The following EXOC6B variants were observed in gnomAD, a reference collection of about 807,000 sequenced individuals.
The protein encoded by EXOC6B is SEC15 homolog B.
Under a neutral mutation model 113.5 loss-of-function variants are expected in EXOC6B, and 54 were observed. That is an observed-to-expected ratio of 0.48 (90% CI 0.38 to 0.60). EXOC6B has a LOEUF of 0.60. EXOC6B is among the 20% of genes least tolerant of loss of function. The pLI is 0.00. For missense variants in EXOC6B, 797 were observed against 977.5 expected (o/e 0.82, Z 2.46); for synonymous variants, 357 against 339.0 (o/e 1.05, Z -0.58).
chr2:72,688,940 A>C (rs1166871897), intron 6 of EXOC6B, among the ~76,000 whole-genome samples: 1 of 152,216 alleles, frequency 6.6e-6, no homozygotes, highest in Non-Finnish European at 1.5e-5. Context: ...TATTATAGTT[A>C]AATATTAGTC....
intron 18 of EXOC6B, among the ~76,000 whole-genome samples, chr2:72,405,272 C>T (rs976685980): frequency 6.6e-6 from 1 of 152,186 alleles, no homozygotes. Context: ...AGTCAGAAAA[C>T]ACTCTGCAGG....
chr2:72,814,638 T>A (rs2105143176), intron 1 of EXOC6B, among the ~76,000 whole-genome samples: 1 of 152,370 alleles, frequency 6.6e-6, no homozygotes, highest in South Asian at 2.1e-4. Context: ...ATTACATGCT[T>A]AAATTTCTTT....
chr2:72,680,854 C>G (rs1029113082), intron 6 of EXOC6B, among the ~76,000 whole-genome samples: 1 of 152,038 alleles, frequency 6.6e-6, no homozygotes, highest in Non-Finnish European at 1.5e-5. Context: ...TGTCTTAGAT[C>G]AAGTCAATTC....
chr2:72,421,572 G>A (rs1694865988), intron 18 of EXOC6B, among the ~76,000 whole-genome samples: 1 of 152,230 alleles, frequency 6.6e-6, no homozygotes. Flanking sequence ...TGATGACACT[G>A]TGTAGTTTCA....
chr2:72,673,425 G>A (rs1352312152), intron 6 of EXOC6B, among the ~76,000 whole-genome samples: 2 of 152,070 alleles, frequency 1.3e-5, no homozygotes, highest in Non-Finnish European at 2.9e-5. Context: ...CCATTCCTCC[G>A]GTCTTGTTTT....
chr2:72,344,887 G>A (rs866653163), intron 19 of EXOC6B, among the ~76,000 whole-genome samples: 19 of 151,936 alleles, frequency 1.3e-4, no homozygotes, highest in African/African-American at 3.9e-4. Context: ...AGAGGAGCAG[G>A]AGCAAACAAC....
chr2:72,183,804 G>T (rs748645625), intron 21 of EXOC6B, among the ~76,000 whole-genome samples: 2 of 151,870 alleles, frequency 1.3e-5, no homozygotes, highest in African/African-American at 2.4e-5. Flanking sequence ...ACGCTAGTAA[G>T]AGACCCATTA....
chr2:72,751,781 T>G (rs1422192204), intron 1 of EXOC6B, among the ~76,000 whole-genome samples: 1 of 151,964 alleles, frequency 6.6e-6, no homozygotes, highest in East Asian at 1.9e-4. Context: ...TAATGGGAGC[T>G]CCAGTAAGAA....
intron 6 of EXOC6B, among the ~76,000 whole-genome samples, chr2:72,606,820 A>C (rs1012417636): frequency 9.2e-5 from 14 of 151,928 alleles, no homozygotes; most frequent in African/African-American, 3.1e-4. Context: ...CGTGTTGACC[A>C]GGCTGGTCTT....
chr2:72,206,887 TA>T (rs1180747640), intron 20 of EXOC6B, among the ~76,000 whole-genome samples: 2 of 152,208 alleles, frequency 1.3e-5, no homozygotes, highest in East Asian at 3.8e-4. Context: ...AAAAACAACA[TA>T]TGCTTTTTGC....
intron 5 of EXOC6B, among the ~76,000 whole-genome samples, chr2:72,727,004 T>C (rs1680339033): frequency 1.3e-5 from 2 of 152,190 alleles, no homozygotes; most frequent in Non-Finnish European, 2.9e-5. Context: ...GTATAGGTTG[T>C]ACGCAAATAC....
chr2:72,505,382 G>T lies in EXOC6B; in HGVS notation c.1168-5410C>A, dbSNP rs566048650. Among the ~76,000 whole-genome samples the T allele has an allele frequency of 3.9e-4, 60 of 152,088 alleles. 1 individual carries two copies. Among genetic ancestry groups the T allele is most frequent in the Admixed American group, 3.9e-3 (59 of 15,284 alleles). ...TATGCCACCTAATATATATCCCAAG[G>T]ATCCATATATGTGTGAGACTGTTTG... is the stretch of plus-strand genomic sequence containing the variant. On this transcript the variant is annotated intron_variant, in intron 11 of 21. Transcript: ENST00000272427.
intron 17 of EXOC6B, among the ~76,000 whole-genome samples, chr2:72,467,945 A>G (rs1230072265): frequency 6.6e-6 from 1 of 151,848 alleles, no homozygotes; most frequent in African/African-American, 2.4e-5. Flanking sequence ...TAATTTTTGT[A>G]TATTTAGTAG....
At chr2:72,804,566 A>G (rs1685474287) in intron 1 of EXOC6B, among the ~76,000 whole-genome samples, 1 of 152,126 alleles carries the variant, frequency 6.6e-6, no homozygotes, top group African/African-American at 2.4e-5. Context: ...TGGACCAGAT[A>G]AAATTATCAC....
At chr2:72,331,223 A>T (rs1370445272) in intron 20 of EXOC6B, among the ~76,000 whole-genome samples, 1 of 152,096 alleles carries the variant, frequency 6.6e-6, no homozygotes, top group Non-Finnish European at 1.5e-5. Context: ...CCCAGAGGGC[A>T]CAGATTATAC....
chr2:72,341,047 A>T (rs1689005919), intron 19 of EXOC6B, among the ~76,000 whole-genome samples: 1 of 152,166 alleles, frequency 6.6e-6, no homozygotes, highest in Non-Finnish European at 1.5e-5. Context: ...CTCCTTGGAG[A>T]TTCATCTGAG....
At chr2:72,510,436 G>T (rs1432282234) in intron 11 of EXOC6B, among the ~76,000 whole-genome samples, 1 of 151,222 alleles carries the variant, frequency 6.6e-6, no homozygotes, top group South Asian at 2.1e-4. Context: ...TTACTGCAAT[G>T]CTTTTAATAG....
intron 6 of EXOC6B, among the ~76,000 whole-genome samples, chr2:72,660,953 G>A (rs905846910): frequency 1.1e-4 from 17 of 151,928 alleles, no homozygotes; most frequent in Admixed American, 1.1e-3. Context: ...CTAATGCACA[G>A]AGAAAATAAA....
intron 6 of EXOC6B, among the ~76,000 whole-genome samples, chr2:72,615,574 G>A (rs776526168): frequency 1.1e-4 from 16 of 148,660 alleles, no homozygotes; most frequent in African/African-American, 2.2e-4. Context: ...TCACGTTTGC[G>A]GTAATGCTGA....
Sources: gnomAD v4.1 joint callset for allele counts (sites outside exome capture counted in the v4.1 genomes callset) on GRCh38, gnomAD v4.1.1 for gene constraint, MANE v1.5 for transcripts, NCBI Gene and HGNC (gene_info 2026-07-23, HGNC 2026-07-21) for gene names.